Variants in GABRB3 observed in about 807,000 individuals in gnomAD.
GABRB3 encodes gamma-aminobutyric acid receptor subunit beta-3.
In GABRB3, 14 loss-of-function variants were observed where a neutral mutation model predicts 52.1. The observed-to-expected ratio is 0.27, with a 90% CI of 0.18 to 0.42. GABRB3 has a LOEUF of 0.42. GABRB3 is among the 10% of genes least tolerant of loss of function. The pLI, the probability that GABRB3 is intolerant of heterozygous loss-of-function variation, is 1.00. For synonymous variants in GABRB3, 260 were observed against 232.3 expected (o/e 1.12, Z -1.08); for missense variants, 307 against 609.1 (o/e 0.50, Z 5.22).
Position 26,666,945 on chromosome 15 carries a change from G to A in GABRB3, c.241-45411C>T, listed in dbSNP as rs139680298. On this transcript the variant is annotated intron_variant, in intron 3 of 8. Coordinates refer to ENST00000311550, the MANE Select transcript of GABRB3 (RefSeq NM_000814.6). The stretch of plus-strand genomic sequence containing the variant: ...AACACTCATCTCTGCCTTCTTCCAG[G>A]GAGGCAAGGAGTTATCCATCCCTTC... Among the ~76,000 whole-genome samples the A allele has an allele frequency of 4.0e-4, 61 of 152,230 alleles. 1 individual carries two copies. The highest frequency in any genetic ancestry group is 1.2e-3 in the East Asian group (6 of 5,166).
chr15:26,722,623 C>T (rs12904093), intron 3 of GABRB3, among the ~76,000 whole-genome samples: 68,537 of 151,674 alleles, frequency 0.45, 16,477 homozygotes, highest in African/African-American at 0.64. Context: ...CATTGTCGTC[C>T]CTAAGTATCT....
intron 3 of GABRB3, among the ~76,000 whole-genome samples, chr15:26,708,226 G>GT (rs1889168896): frequency 6.6e-6 from 1 of 152,164 alleles, no homozygotes; most frequent in African/African-American, 2.4e-5. Context: ...GAGTACAATT[G>GT]ATTGTTCTAC....
At chr15:26,654,206 C>T (rs1887290582) in intron 3 of GABRB3, among the ~76,000 whole-genome samples, 2 of 152,276 alleles carry the variant, frequency 1.3e-5, no homozygotes, top group South Asian at 2.1e-4. Context: ...AGCACAGTGG[C>T]GTGATCTCAG....
chr15:26,600,610 C>A (rs1891554192), intron 4 of GABRB3, among the ~76,000 whole-genome samples: 1 of 151,986 alleles, frequency 6.6e-6, no homozygotes, highest in Admixed American at 6.6e-5. Context: ...AACTATCAAC[C>A]AAGAATATTT....
chr15:26,629,125 A>G, intron 3 of GABRB3: 1 of 1,524,982 alleles, frequency 6.6e-7, no homozygotes, highest in Non-Finnish European at 8.8e-7. Context: ...TTTACAGGAG[A>G]GGCTGAAGCT....
chr15:26,645,908 T>TG (rs1893334332), intron 3 of GABRB3, among the ~76,000 whole-genome samples: 2 of 152,084 alleles, frequency 1.3e-5, no homozygotes, highest in South Asian at 2.1e-4. Context: ...GACCGCCTGA[T>TG]GGAGTCTCGT....
intron 3 of GABRB3, among the ~76,000 whole-genome samples, chr15:26,623,461 A>G (rs1009188009): frequency 2.0e-5 from 3 of 151,698 alleles, no homozygotes; most frequent in African/African-American, 7.3e-5. Flanking sequence ...ATTCCGAGAG[A>G]CGGCTAGCAA....
intron 3 of GABRB3, among the ~76,000 whole-genome samples, chr15:26,661,089 A>G (rs751342310): frequency 6.6e-6 from 1 of 151,808 alleles, no homozygotes; most frequent in Non-Finnish European, 1.5e-5. Flanking sequence ...CCCAGCCAAG[A>G]ATAAAAAAAA....
Position 26,625,931 on chromosome 15 carries a change from T to C in GABRB3, c.241-4397A>G, listed in dbSNP as rs568594659. On this transcript the variant is annotated intron_variant, in intron 3 of 8. Coordinates refer to ENST00000311550, the MANE Select transcript of GABRB3 (RefSeq NM_000814.6). Reference sequence around the variant, plus strand: ...GACCCCCAGGCTGCACAAGAAACTATCTGTATCATTAGATACACGCCTGCC... The same window carrying C: ...GACCCCCAGGCTGCACAAGAAACTACCTGTATCATTAGATACACGCCTGCC... Among the ~76,000 whole-genome samples, 29 of 152,296 alleles carry C rather than the reference T, an allele frequency of 1.9e-4. No individual in the cohort carries two copies. The East Asian group carries it at 5.0e-3, about 26-fold the overall frequency.
intron 3 of GABRB3, among the ~76,000 whole-genome samples, chr15:26,657,970 A>G (rs1223646629): frequency 6.6e-6 from 1 of 152,216 alleles, no homozygotes; most frequent in African/African-American, 2.4e-5. Context: ...CCACAAGATT[A>G]GAATTTATGG....
At chr15:26,587,404 G>A (rs1316280691) in intron 4 of GABRB3, among the ~76,000 whole-genome samples, 1 of 152,142 alleles carries the variant, frequency 6.6e-6, no homozygotes, top group African/African-American at 2.4e-5. Context: ...AGAAGTAGCT[G>A]AACAGCTGGG....
At chr15:26,720,882 G>C (rs1889625592) in intron 3 of GABRB3, among the ~76,000 whole-genome samples, 1 of 152,068 alleles carries the variant, frequency 6.6e-6, no homozygotes. Flanking sequence ...CCAAGATTCT[G>C]TTTATTTTAT....
intron 3 of GABRB3, among the ~76,000 whole-genome samples, chr15:26,646,902 G>C (rs1887028712): frequency 1.3e-5 from 2 of 152,108 alleles, no homozygotes; most frequent in Admixed American, 6.5e-5. Flanking sequence ...GGAGTGCAGT[G>C]GTGCGATCTC....
chr15:26,742,117 T>A (rs889113512), intron 3 of GABRB3, among the ~76,000 whole-genome samples: 2 of 152,180 alleles, frequency 1.3e-5, no homozygotes, highest in African/African-American at 4.8e-5. Flanking sequence ...ATATCCTTAG[T>A]AATGCTGGGT....
At chr15:26,773,718 A>T, upstream of GABRB3, 1 of 1,567,362 alleles carries the variant, frequency 6.4e-7, no homozygotes, top group Non-Finnish European at 8.6e-7. Flanking sequence ...AGGAGCCCGG[A>T]GCACATGGCG....
intron 7 of GABRB3, among the ~76,000 whole-genome samples, chr15:26,566,505 C>T (rs1595444955): frequency 2.0e-5 from 3 of 152,250 alleles, no homozygotes; most frequent in Non-Finnish European, 2.9e-5. Context: ...GTGGGCAGAT[C>T]GCTTGAGGCC....
intron 8 of GABRB3, among the ~76,000 whole-genome samples, chr15:26,554,794 G>A (rs1036727350): frequency 1.3e-5 from 2 of 152,192 alleles, no homozygotes; most frequent in African/African-American, 2.4e-5. Context: ...TAAAGCATGT[G>A]CCCCATAAGT....
rs1042122776 is a variant in GABRB3, at chr15:26,642,664, C to G, written c.241-21130G>C. On this transcript the variant is annotated intron_variant, in intron 3 of 8. Transcript: ENST00000311550. Reference sequence around the variant, plus strand: ...AAGCATATATGTAAGTGTACCCCCCCGCACACACACACCAAAGCAGCAATA... The same window carrying G: ...AAGCATATATGTAAGTGTACCCCCCGGCACACACACACCAAAGCAGCAATA... 7 of 411,794 alleles carry G rather than the reference C, an allele frequency of 1.7e-5. 1 individual carries two copies. The highest frequency in any genetic ancestry group is 7.8e-5 in the Admixed American group (3 of 38,498). The allele number at this position is 411,794 out of a possible 1,614,324, so 25.5% of individuals were successfully genotyped here. A position where few individuals can be genotyped will look rare whatever the true frequency, so the allele number is the denominator to read the frequency against.
intron 3 of GABRB3, among the ~76,000 whole-genome samples, chr15:26,687,901 T>C (rs1888457588): frequency 6.6e-6 from 1 of 152,212 alleles, no homozygotes; most frequent in South Asian, 2.1e-4. Flanking sequence ...ACCTATTATT[T>C]TAATTGTTAG....
Sources: allele counts gnomAD v4.1 joint callset (sites outside exome capture counted in the v4.1 genomes callset), GRCh38; gene constraint gnomAD v4.1.1; transcripts MANE v1.5; gene names NCBI Gene and HGNC (gene_info 2026-07-23, HGNC 2026-07-21).